Variants in C1D observed in about 807,000 individuals in gnomAD.
C1D encodes the protein C1D nuclear receptor corepressor.
A neutral mutation model predicts 17.5 loss-of-function variants in C1D; 10 were observed. That is an observed-to-expected ratio of 0.57 (90% confidence interval 0.35 to 0.97). The LOEUF (loss-of-function observed/expected upper bound fraction) is 0.97, where lower values mean the gene tolerates loss of function less well. Ranked by LOEUF, C1D falls within the 50% of genes least tolerant of loss-of-function variation. The pLI is 0.01. For missense variants in C1D, 136 were observed against 160.1 expected, an observed-to-expected ratio of 0.85 and a Z score of 0.81; for synonymous variants, 49 against 54.0, an observed-to-expected ratio of 0.91 and a Z score of 0.40.
At chr2:68,047,588 T>C (rs996608387) in intron 1 of C1D, among the ~76,000 whole-genome samples, 1 of 152,194 alleles carries the variant, frequency 6.6e-6, no homozygotes, top group African/African-American at 2.4e-5. Flanking sequence ...TTGTTTTGTT[T>C]TGAGATGGGG....
intron 1 of C1D, among the ~76,000 whole-genome samples, chr2:68,052,671 G>A (rs1041122108): frequency 6.6e-6 from 1 of 152,150 alleles, no homozygotes; most frequent in Non-Finnish European, 1.5e-5. Flanking sequence ...AATCTGAACT[G>A]AGCCACTTGC....
At chr2:68,050,166 ATG>A (rs1671239808) in intron 1 of C1D, among the ~76,000 whole-genome samples, 1 of 152,172 alleles carries the variant, frequency 6.6e-6, no homozygotes, top group African/African-American at 2.4e-5. Context: ...ATCCTTGCAC[ATG>A]TGCTTATAAA....
chr2:68,054,690 C>T (rs1370566307), intron 1 of C1D, among the ~76,000 whole-genome samples: 1 of 152,000 alleles, frequency 6.6e-6, no homozygotes, highest in Non-Finnish European at 1.5e-5. Flanking sequence ...AGCCAGGCAC[C>T]ATGGCTCACA....
chr2:68,051,876 A>G (rs1315525800), intron 1 of C1D, among the ~76,000 whole-genome samples: 2 of 151,898 alleles, frequency 1.3e-5, no homozygotes, highest in Admixed American at 6.6e-5. Context: ...ATTCCTCAAT[A>G]TCAACTAACA....
intron 1 of C1D, among the ~76,000 whole-genome samples, chr2:68,059,931 A>G (rs1343432749): frequency 6.6e-6 from 1 of 152,208 alleles, no homozygotes; most frequent in Non-Finnish European, 1.5e-5. Flanking sequence ...GACCACTCTG[A>G]AGTCCAGAAT....
intron 1 of C1D, among the ~76,000 whole-genome samples, chr2:68,056,876 T>C (rs539431324): frequency 6.6e-6 from 1 of 152,342 alleles, no homozygotes; most frequent in African/African-American, 2.4e-5. Context: ...AAATCACATA[T>C]GTACACATGC....
chr2:68,061,061 C>G (rs1198849100), intron 1 of C1D, among the ~76,000 whole-genome samples: 2 of 152,188 alleles, frequency 1.3e-5, no homozygotes, highest in African/African-American at 4.8e-5. Flanking sequence ...CTTCCCATCT[C>G]TACACCAAAT....
chr2:68,059,097 G>A (rs1021141096), intron 1 of C1D, among the ~76,000 whole-genome samples: 1 of 152,190 alleles, frequency 6.6e-6, no homozygotes, highest in African/African-American at 2.4e-5. Context: ...AAGAAGCATA[G>A]TGTCAGCATC....
chr2:68,044,834 G>A (rs1158303607), intron 4 of C1D, among the ~76,000 whole-genome samples: 1 of 152,120 alleles, frequency 6.6e-6, no homozygotes, highest in Admixed American at 6.5e-5. Context: ...GAAAACAAAT[G>A]ACCTTGTCCT....
At chr2:68,055,209 T>A (rs1558584828) in intron 1 of C1D, among the ~76,000 whole-genome samples, 2 of 152,162 alleles carry the variant, frequency 1.3e-5, no homozygotes, top group East Asian at 3.9e-4. Context: ...CACCAACAGA[T>A]CACTAAAAGT....
At chr2:68,048,433 T>C (rs1671195921) in intron 1 of C1D, among the ~76,000 whole-genome samples, 1 of 152,196 alleles carries the variant, frequency 6.6e-6, no homozygotes, top group Admixed American at 6.5e-5. Context: ...GATAAATCAT[T>C]GAATCTCTCT....
chr2:68,046,714 G>C (rs1233727152), intron 2 of C1D: 3 of 330,842 alleles, frequency 9.1e-6, no homozygotes, highest in Admixed American at 4.5e-5. Context: ...TACGATCTGG[G>C]CTTTGTAAGT....
chr2:68,058,813 G>A (rs1448101016), intron 1 of C1D, among the ~76,000 whole-genome samples: 1 of 152,092 alleles, frequency 6.6e-6, no homozygotes, highest in African/African-American at 2.4e-5. Context: ...TAGAATCTCC[G>A]ATTTCCTTAG....
rs1220891580 is a variant in C1D, at chr2:68,057,782, A to G, written c.-10+5176T>C. ...CTACTTAGCAGCAACAACTAAACCT[A>G]TATTCTTTACCACTGTTACATTCAA... On this transcript the variant is annotated intron_variant, in intron 1 of 4. Coordinates refer to ENST00000410067, the MANE Select transcript of C1D (RefSeq NM_173177.3). 5.3e-5 allele frequency among the ~76,000 whole-genome samples: 8 copies of G among 152,292 alleles called. No homozygotes were observed. The Middle Eastern group carries it at 0.014, about 259-fold the overall frequency.
intron 1 of C1D, among the ~76,000 whole-genome samples, chr2:68,050,448 T>C (rs1004568651): frequency 1.8e-4 from 27 of 152,222 alleles, no homozygotes; most frequent in Non-Finnish European, 3.4e-4. Context: ...CCTACAAACA[T>C]ACCTTACTTT....
At position 68,043,073 on chromosome 2, in the gene C1D, G is replaced by C; in HGVS notation, c.262-20C>G. Reference sequence around the variant, plus strand: ...TCTTTCCTTAAAGATAAAAAACAAAGGCAATAGATTTACTAAGCTATTCGC... The same window carrying C: ...TCTTTCCTTAAAGATAAAAAACAAACGCAATAGATTTACTAAGCTATTCGC... On this transcript the variant is annotated intron_variant, in intron 4 of 4. Coordinates refer to ENST00000410067, the MANE Select transcript of C1D (RefSeq NM_173177.3). The C allele has an allele frequency of 6.4e-7, 1 of 1,556,272 alleles. No individual in the cohort carries two copies. Among genetic ancestry groups the C allele is most frequent in the Non-Finnish European group, 8.7e-7 (1 of 1,147,232 alleles).
rs149084436 is a variant in C1D, at chr2:68,045,962, A to G, written c.261+26T>C. On this transcript the variant is annotated intron_variant, in intron 4 of 4. Transcript: ENST00000410067. Reference sequence around the variant, plus strand: ...CTCAGGAATACAACAACAAACACATAAAATAAAAAGAAATTAAAATCTTAC... The same window carrying G: ...CTCAGGAATACAACAACAAACACATGAAATAAAAAGAAATTAAAATCTTAC... 9,914 of 1,494,430 alleles carry G rather than the reference A, an allele frequency of 6.6e-3. 49 individuals carry two copies. Among genetic ancestry groups the G allele is most frequent in the South Asian group, 9.4e-3 (780 of 82,716 alleles). The allele number at this position is 1,494,430 out of a possible 1,614,324, so 92.6% of individuals were successfully genotyped here. A position where few individuals can be genotyped will look rare whatever the true frequency, so the allele number is the denominator to read the frequency against.
chr2:68,055,941 A>T (rs1194349410), intron 1 of C1D, among the ~76,000 whole-genome samples: 1 of 152,226 alleles, frequency 6.6e-6, no homozygotes, highest in Admixed American at 6.5e-5. Flanking sequence ...CGTCTAGAAT[A>T]TTTAAGCAGC....
At chr2:68,054,474 A>C (rs187404609) in intron 1 of C1D, among the ~76,000 whole-genome samples, 63 of 152,310 alleles carry the variant, frequency 4.1e-4, no homozygotes, top group African/African-American at 1.4e-3. Flanking sequence ...TCTTTTTTGG[A>C]AGGAAAACCT....
Sources: allele counts gnomAD v4.1 joint callset (sites outside exome capture counted in the v4.1 genomes callset), GRCh38; gene constraint gnomAD v4.1.1; transcripts MANE v1.5; gene names NCBI Gene and HGNC (gene_info 2026-07-23, HGNC 2026-07-21).